The following DCAF4 variants were observed in gnomAD, a reference collection of about 807,000 sequenced individuals.
DCAF4 encodes the protein DDB1- and CUL4-associated factor 4.
A neutral mutation model predicts 60.9 loss-of-function variants in DCAF4; 37 were observed. The ratio of observed to expected loss-of-function variants is 0.61; its 90% CI spans 0.47 to 0.80. The LOEUF (loss-of-function observed/expected upper bound fraction) is 0.80, where lower values mean the gene tolerates loss of function less well. Among genes scored for constraint, DCAF4 ranks in the 30% least tolerant of loss-of-function variants. The probability of loss-of-function intolerance (pLI) is 0.00; values close to 1 mark genes in which losing one functional copy is unlikely to be tolerated. For missense variants in DCAF4, 577 were observed against 650.0 expected (o/e 0.89, Z 1.22); for synonymous variants, 243 against 254.8 (o/e 0.95, Z 0.44).
At chr14:72,936,963 T>G (rs535358809) in intron 1 of DCAF4, among the ~76,000 whole-genome samples, 1 of 152,182 alleles carries the variant, frequency 6.6e-6, no homozygotes, top group East Asian at 1.9e-4. Context: ...GTTGCAGGAA[T>G]AAGGGCTAAA....
chr14:72,928,615 A>T (rs1404028045), intron 1 of DCAF4, among the ~76,000 whole-genome samples: 1 of 129,260 alleles, frequency 7.7e-6, no homozygotes, highest in African/African-American at 2.9e-5. Context: ...ATATATATAT[A>T]TAGTTCACAT....
chr14:72,930,918 GA>G (rs2140184941), intron 1 of DCAF4, among the ~76,000 whole-genome samples: 1 of 152,236 alleles, frequency 6.6e-6, no homozygotes, highest in African/African-American at 2.4e-5. Flanking sequence ...GTTGACCATA[GA>G]TAGGCATATG....
At chr14:72,955,277 G>C (rs74675335) in intron 11 of DCAF4, among the ~76,000 whole-genome samples, 2,786 of 152,142 alleles carry the variant, frequency 0.018, 67 homozygotes, top group African/African-American at 0.061. Context: ...GCAGGGGGGT[G>C]GGGGGCAGCT....
At position 72,953,768 on chromosome 14, in the gene DCAF4, A is replaced by AG. The variant is rs1567325441; in HGVS notation, c.809-396_809-395insG. Among the ~76,000 whole-genome samples the AG allele has an allele frequency of 5.0e-3, 101 of 20,034 alleles. 8 individuals carry two copies. Among genetic ancestry groups the AG allele is most frequent in the African/African-American group, 0.012 (83 of 6,900 alleles). The allele number at this position is 20,034 out of a possible 152,430, so 13.1% of individuals were successfully genotyped here. A position where few individuals can be genotyped will look rare whatever the true frequency, so the allele number is the denominator to read the frequency against. On this transcript the variant is annotated intron_variant, in intron 9 of 13. Transcript: ENST00000358377. ...ATATATATATATATATATATAGTTT[A>AG]TTTATTTATTTATTTGTGTGTGTGT...
chr14:72,942,030 C>G, intron 5 of DCAF4: 1 of 521,886 alleles, frequency 1.9e-6, no homozygotes, highest in Non-Finnish European at 3.4e-6. Context: ...AGGCGGGGGA[C>G]TCTTGCAGGA....
At chr14:72,955,109 T>TAAAAAA (rs1594802276) in intron 11 of DCAF4, among the ~76,000 whole-genome samples, 1 of 125,106 alleles carries the variant, frequency 8.0e-6, no homozygotes. Flanking sequence ...AGACTCTGTC[T>TAAAAAA]CAAAAAAAAA....
At chr14:72,944,189 G>A (rs963176860) in intron 6 of DCAF4, among the ~76,000 whole-genome samples, 5 of 152,148 alleles carry the variant, frequency 3.3e-5, no homozygotes, top group African/African-American at 7.2e-5. Context: ...CAGGCTTTAC[G>A]TGTGGTAGGT....
chr14:72,942,339 G>A (rs1890146667), intron 5 of DCAF4: 1 of 155,626 alleles, frequency 6.4e-6, no homozygotes, highest in South Asian at 2.0e-4. Flanking sequence ...TCAAGGTAAA[G>A]CTAGAAGTGG....
In DCAF4 at chr14:72,959,550, T is replaced by G. The variant is rs1432338973; in HGVS notation, c.*745T>G. On this transcript the variant is annotated 3_prime_UTR_variant, in exon 14 of 14. Transcript: ENST00000358377. Reference sequence around the variant, plus strand: ...AGGGCCCGGCGTCAAAGGAAATTGGTTTTGACTTTTTGTAATCTAGGAGCG... The same window carrying G: ...AGGGCCCGGCGTCAAAGGAAATTGGGTTTGACTTTTTGTAATCTAGGAGCG... The G allele has an allele frequency of 1.0e-6, 1 of 985,278 alleles. No individual in the cohort carries two copies. The highest frequency in any genetic ancestry group is 1.2e-6 in the Non-Finnish European group (1 of 829,922). The allele number at this position is 985,278 out of a possible 1,614,324, so 61.0% of individuals were successfully genotyped here.
intron 1 of DCAF4, among the ~76,000 whole-genome samples, chr14:72,935,625 A>G (rs1230988439): frequency 6.6e-6 from 1 of 152,234 alleles, no homozygotes; most frequent in Non-Finnish European, 1.5e-5. Flanking sequence ...ACCAGATTGC[A>G]GTGCCTGTAT....
chr14:72,943,125 G>T, intron 6 of DCAF4, 29 bp downstream of exon 6: 2 of 1,603,280 alleles, frequency 1.2e-6, no homozygotes, highest in South Asian at 1.1e-5. Flanking sequence ...CCTGCCTAGG[G>T]TGTGGCTGCC....
downstream of DCAF4, chr14:72,961,796 G>A (rs1892833157): frequency 2.0e-6 from 2 of 1,017,574 alleles, no homozygotes; most frequent in Non-Finnish European, 2.4e-6. Flanking sequence ...GGGGAATGGG[G>A]AAGCCAAGAG....
chr14:72,939,910 C>T lies in DCAF4; in HGVS notation c.193+8C>T, dbSNP rs965067625. ...GGACCTCCTCTGTGCCAGGTAAGGC[C>T]ACTTGCGGGGTGGGAATCCTGGCCC... On this transcript the variant is annotated splice_region_variant and intron_variant, in intron 3 of 13. Transcript: ENST00000358377. 1.9e-6 allele frequency: 3 copies of T among 1,595,698 alleles called. No individual in the cohort carries two copies. Among genetic ancestry groups the T allele is most frequent in the Non-Finnish European group, 2.6e-6 (3 of 1,171,226 alleles).
At chr14:72,932,037 G>C (rs1409905762) in intron 1 of DCAF4, among the ~76,000 whole-genome samples, 1 of 151,144 alleles carries the variant, frequency 6.6e-6, no homozygotes, top group Non-Finnish European at 1.5e-5. Flanking sequence ...TGCCCAGGCG[G>C]GAGTGCAGTG....
Position 72,940,225 on chromosome 14 carries a change from C to T in DCAF4, c.199C>T (p.Pro67Ser), listed in dbSNP as rs1015072944. ...TTTAATTTTTTTGTCTAAAGAGCTA[C>T]CTGGGTTTTACTTTGACCCTGAAAA... Reference protein sequence around the residue: ...TAGTSSVPELPGFYFDPEKKR... With the variant: ...TAGTSSVPELSGFYFDPEKKR... Residue 67 changes from proline (P) to serine (S), a missense_variant, in exon 4 of 14, where the codon CCT (proline) becomes TCT (serine). Physicochemically the swap from Pro to Ser is moderately conservative, Grantham distance 74. Coordinates refer to ENST00000358377, the MANE Select transcript of DCAF4 (RefSeq NM_015604.4). 1 of 1,614,062 alleles carries T rather than the reference C, an allele frequency of 6.2e-7. No homozygotes were observed. Among genetic ancestry groups the T allele is most frequent in the African/African-American group, 1.3e-5 (1 of 75,032 alleles).
downstream of DCAF4, chr14:72,961,877 A>T: frequency 9.0e-7 from 1 of 1,116,326 alleles, no homozygotes; most frequent in East Asian, 6.8e-5. Flanking sequence ...GATGGCCACT[A>T]CAATGCTGAT....
At chr14:72,947,021 C>T (rs1411969513) in intron 7 of DCAF4, 121 bp from the exon 8 acceptor site, 1 of 1,323,622 alleles carries the variant, frequency 7.6e-7, no homozygotes, top group African/African-American at 1.5e-5. Flanking sequence ...TGTTCCAGCC[C>T]ATTTGAAGAG....
At position 72,954,614 on chromosome 14, in the gene DCAF4, G is replaced by C. The variant is rs571039896; in HGVS notation, c.1005+131G>C. The C allele has an allele frequency of 2.8e-5, 24 of 872,530 alleles. 1 individual carries two copies. In the South Asian group the frequency reaches 4.0e-4, roughly 15 times the overall value. 54.0% of individuals were successfully genotyped at this position (872,530 alleles called of 1,614,324 possible). On this transcript the variant is annotated intron_variant, in intron 11 of 13. Transcript: ENST00000358377. ...GGAGAAAGAGCATCAGAAAGGATCA[G>C]TGGGTTCCTTTGTAAGGGTGTCTGA...
chr14:72,941,510 G>C (rs186668174), intron 4 of DCAF4, among the ~76,000 whole-genome samples: 2 of 152,290 alleles, frequency 1.3e-5, no homozygotes, highest in East Asian at 3.9e-4. Flanking sequence ...TGTGGATGGG[G>C]AGCGTGGGCA....
Sources: allele counts gnomAD v4.1 joint callset (sites outside exome capture counted in the v4.1 genomes callset), GRCh38; gene constraint gnomAD v4.1.1; transcripts MANE v1.5; gene names NCBI Gene and HGNC (gene_info 2026-07-23, HGNC 2026-07-21).